The following SLC39A14 variants were observed in gnomAD, a reference collection of about 807,000 sequenced individuals.
The protein encoded by SLC39A14 is solute carrier family 39 member 14, also known as metal cation symporter ZIP14.
Under a neutral mutation model 45.5 loss-of-function variants are expected in SLC39A14, and 19 were observed. The ratio of observed to expected loss-of-function variants is 0.42; its 90% confidence interval spans 0.29 to 0.61. The LOEUF is 0.61. Ranked by LOEUF, SLC39A14 falls within the 20% of genes least tolerant of loss-of-function variation. The probability of loss-of-function intolerance (pLI) is 0.22; values close to 1 mark genes in which losing one functional copy is unlikely to be tolerated. For missense variants in SLC39A14, 447 were observed against 616.5 expected, an observed-to-expected ratio of 0.73 and a Z score of 2.91; for synonymous variants, 264 against 251.3, an observed-to-expected ratio of 1.05 and a Z score of -0.48.
chr8:22,386,898 C>T (rs546831355), intron 1 of SLC39A14, among the ~76,000 whole-genome samples: 3 of 152,222 alleles, frequency 2.0e-5, no homozygotes, highest in East Asian at 1.9e-4. Context: ...GTCGGCCAAT[C>T]GTGGTGGCTC....
At chr8:22,397,239 C>T (rs1834541040) in intron 1 of SLC39A14, among the ~76,000 whole-genome samples, 1 of 152,182 alleles carries the variant, frequency 6.6e-6, no homozygotes, top group South Asian at 2.1e-4. Context: ...GCCACTAGCA[C>T]CCGCAGTCCT....
In SLC39A14 at chr8:22,419,695, G is replaced by A. The variant is rs1349292030; in HGVS notation, c.1476G>A (p.Gly492=). The change falls in exon 9 of 9, where the codon GGG becomes GGA. Residue 492 remains glycine (G), a synonymous_variant. Coordinates refer to ENST00000381237, the MANE Select transcript of SLC39A14 (RefSeq NM_001128431.4). Reference sequence around the variant, plus strand: ...TGTATTCAGGACAGATCCAGATTGGGTAGGGCTCTGCCAAGAGCCTGTGGG... The same window carrying A: ...TGTATTCAGGACAGATCCAGATTGGATAGGGCTCTGCCAAGAGCCTGTGGG... The part of the protein sequence containing the change: ...LTMYSGQIQI[G] 1 of 1,599,524 alleles carries A rather than the reference G, an allele frequency of 6.3e-7. No homozygotes were observed. Among genetic ancestry groups the A allele is most frequent in the Non-Finnish European group, 8.5e-7 (1 of 1,173,330 alleles).
chr8:22,429,960 G>A (rs1027393177), intron 8 of SLC39A14, among the ~76,000 whole-genome samples: 3 of 152,174 alleles, frequency 2.0e-5, no homozygotes, highest in Non-Finnish European at 4.4e-5. Context: ...TAAGCCAAAG[G>A]GCCGGCCAAC....
chr8:22,371,323 T>A (rs1011589358), intron 1 of SLC39A14, among the ~76,000 whole-genome samples: 1 of 151,650 alleles, frequency 6.6e-6, no homozygotes, highest in African/African-American at 2.4e-5. Context: ...ACCGCCGAGT[T>A]CCTAATGGCC....
chr8:22,409,812 CA>C (rs1463911092), intron 3 of SLC39A14: 6 of 852,486 alleles, frequency 7.0e-6, no homozygotes, highest in East Asian at 2.4e-5. Context: ...ATGGACTCAG[CA>C]AATGTTTACT....
downstream of SLC39A14, among the ~76,000 whole-genome samples, chr8:22,427,526 C>G (rs980287821): frequency 6.6e-6 from 1 of 151,622 alleles, no homozygotes. Context: ...AAAAAAAAAC[C>G]TCTTTGATCT....
chr8:22,374,159 G>A (rs1833084965), intron 1 of SLC39A14, among the ~76,000 whole-genome samples: 2 of 152,236 alleles, frequency 1.3e-5, no homozygotes, highest in South Asian at 4.1e-4. Flanking sequence ...TGTTGGCATG[G>A]GAACCCTCAA....
intron 1 of SLC39A14, among the ~76,000 whole-genome samples, chr8:22,392,370 A>G (rs919669854): frequency 2.0e-5 from 3 of 152,112 alleles, no homozygotes; most frequent in Non-Finnish European, 4.4e-5. Flanking sequence ...GGCAGGCCCC[A>G]AAGTTGAACC....
Position 22,404,681 on chromosome 8 carries a change from C to T in SLC39A14, c.-15-15C>T. On this transcript the variant is annotated splice_polypyrimidine_tract_variant and intron_variant, in intron 1 of 8. Transcript: ENST00000381237. ...AGGGAGAGGCCTCAGCTTCACCTGC[C>T]TTTTTCTCTCACAGGTTTATTCAGT... is the stretch of plus-strand genomic sequence containing the variant. The T allele has an allele frequency of 6.2e-7, 1 of 1,601,286 alleles. No homozygotes were observed. The highest frequency in any genetic ancestry group is 8.5e-7 in the Non-Finnish European group (1 of 1,173,112).
intron 1 of SLC39A14, among the ~76,000 whole-genome samples, chr8:22,382,818 A>C (rs1295514293): frequency 6.6e-6 from 1 of 151,950 alleles, no homozygotes; most frequent in African/African-American, 2.4e-5. Flanking sequence ...AGGCTCAAGC[A>C]ATCCTCCTGC....
At chr8:22,386,092 A>G (rs1833775472) in intron 1 of SLC39A14, among the ~76,000 whole-genome samples, 1 of 151,962 alleles carries the variant, frequency 6.6e-6, no homozygotes, top group Admixed American at 6.6e-5. Flanking sequence ...GGTGTGCACC[A>G]CTACGCCTGG....
Position 22,404,458 on chromosome 8 carries a change from G to GTTTT in SLC39A14, c.-15-235_-15-234insTTTT, listed in dbSNP as rs375772752. The GTTTT allele has an allele frequency of 0.04, 11,201 of 279,522 alleles. 1,144 individuals are homozygous for GTTTT. Among genetic ancestry groups the GTTTT allele is most frequent in the African/African-American group, 0.24 (7,317 of 31,086 alleles). 17.3% of individuals were successfully genotyped at this position (279,522 alleles called of 1,614,324 possible). A position where few individuals can be genotyped will look rare whatever the true frequency, so the allele number is the denominator to read the frequency against. On this transcript the variant is annotated intron_variant, in intron 1 of 8. Transcript: ENST00000381237. ...AAAAAAAAATCATAACCGCATTGCT[G>GTTTT]TTTGTTTTTTTTTTTTTCATTTTTC...
At chr8:22,381,330 G>C (rs7006285) in intron 1 of SLC39A14, among the ~76,000 whole-genome samples, 9 of 151,020 alleles carry the variant, frequency 6.0e-5, no homozygotes, top group Admixed American at 3.3e-4. Flanking sequence ...ACTGGAGTGC[G>C]GTGGGGCTAG....
Position 22,417,824 on chromosome 8 carries a change from C to T in SLC39A14, c.1321C>T (p.Leu441=). 4 of 1,613,798 alleles carry T rather than the reference C, an allele frequency of 2.5e-6. No homozygotes were observed. Among genetic ancestry groups the T allele is most frequent in the Non-Finnish European group, 3.4e-6 (4 of 1,179,986 alleles). The change falls in exon 8 of 9, where the codon CTG becomes TTG. Residue 441 remains leucine, a synonymous_variant. Transcript: ENST00000381237. The part of the protein sequence containing the change: ...LAGGMFLYIS[L]ADMFPEMNEV... ...TGGAGGAATGTTCTTGTATATTTCT[C>T]TGGCTGATATGGTAAGTGTTCCACA...
At chr8:22,426,184 G>C (rs577150799), downstream of SLC39A14, among the ~76,000 whole-genome samples, 22 of 151,026 alleles carry the variant, frequency 1.5e-4, no homozygotes, top group African/African-American at 5.1e-4. Flanking sequence ...GAGCCACCGC[G>C]CCCGGCTTGT....
Position 22,404,955 on chromosome 8 carries a change from T to G in SLC39A14, c.245T>G (p.Val82Gly), listed in dbSNP as rs769584371. ...GGCCGGGGTAATGTCACCCAGCACG[T>G]GCAAGGACACAGGAACCTCTCCACG... Reference protein sequence around the residue: ...GVGRGNVTQHVQGHRNLSTCF... With the variant: ...GVGRGNVTQHGQGHRNLSTCF... Residue 82 changes from valine (V) to glycine (G), a missense_variant, in exon 2 of 9, where the codon GTG becomes GGG. By Grantham distance (109) the Val-to-Gly change is moderately radical. This residue lies in a region of SLC39A14 where 342 missense variants were observed against 428.1 expected (regional missense o/e 0.80). Coordinates refer to ENST00000381237, the MANE Select transcript of SLC39A14 (RefSeq NM_001128431.4). 2 of 1,614,074 alleles carry G rather than the reference T, an allele frequency of 1.2e-6. No individual in the cohort carries two copies. Among genetic ancestry groups the G allele is most frequent in the South Asian group, 2.2e-5 (2 of 91,076 alleles).
chr8:22,391,232 G>A (rs1834055600), intron 1 of SLC39A14, among the ~76,000 whole-genome samples: 1 of 152,090 alleles, frequency 6.6e-6, no homozygotes, highest in African/African-American at 2.4e-5. Context: ...ATTCAGGTTA[G>A]GTTCCTTGTT....
At position 22,396,600 on chromosome 8, in the gene SLC39A14, A is replaced by AAGGAC. The variant is rs142812632; in HGVS notation, c.-15-8096_-15-8095insAGGAC. On this transcript the variant is annotated intron_variant, in intron 1 of 8. Coordinates refer to ENST00000381237, the MANE Select transcript of SLC39A14 (RefSeq NM_001128431.4). ...AGAGAGAGAGAGAGAGAGAGAGAGA[A>AAGGAC]GACTAAGTGGAATTTGGAATTGGAT... is the stretch of plus-strand genomic sequence containing the variant. Among the ~76,000 whole-genome samples the AAGGAC allele has an allele frequency of 1.9e-3, 49 of 25,190 alleles. 11 individuals are homozygous for AAGGAC. The highest frequency in any genetic ancestry group is 5.3e-3 in the Admixed American group (10 of 1,902). The allele number at this position is 25,190 out of a possible 152,430, so 16.5% of individuals were successfully genotyped here.
chr8:22,387,543 T>A lies in SLC39A14; in HGVS notation c.-15-17153T>A, dbSNP rs1321860128. Among the ~76,000 whole-genome samples, 4 of 152,166 alleles carry A rather than the reference T, an allele frequency of 2.6e-5. No individual in the cohort carries two copies. The East Asian group carries it at 7.7e-4, about 29-fold the overall frequency. On this transcript the variant is annotated intron_variant, in intron 1 of 8. Coordinates refer to ENST00000381237, the MANE Select transcript of SLC39A14 (RefSeq NM_001128431.4). Reference sequence around the variant, plus strand: ...AGTGGAAATACATAAGTGGTTATGTTGTCAGGGAAGTCACTTCTTTTGTGC... The same window carrying A: ...AGTGGAAATACATAAGTGGTTATGTAGTCAGGGAAGTCACTTCTTTTGTGC...
Sources: allele counts gnomAD v4.1 joint callset (sites outside exome capture counted in the v4.1 genomes callset), GRCh38; gene constraint gnomAD v4.1.1; regional missense constraint gnomAD v4.1.1; transcripts MANE v1.5; gene names NCBI Gene and HGNC (gene_info 2026-07-23, HGNC 2026-07-21).